LRMDA: variants seen among roughly 807,000 people sequenced by gnomAD.
LRMDA encodes leucine-rich melanocyte differentiation-associated protein.
Under a neutral mutation model 29.8 loss-of-function variants are expected in LRMDA, and 18 were observed. The observed-to-expected ratio is 0.60, with a 90% CI of 0.42 to 0.90. The LOEUF is 0.90. Among genes scored for constraint, LRMDA ranks in the 40% least tolerant of loss-of-function variants. The probability of loss-of-function intolerance (pLI) is 0.00; values close to 1 mark genes in which losing one functional copy is unlikely to be tolerated. For missense variants in LRMDA, 273 were observed against 273.9 expected, an observed-to-expected ratio of 1.00 and a Z score of 0.02; for synonymous variants, 125 against 109.4, an observed-to-expected ratio of 1.14 and a Z score of -0.89.
intron 5 of LRMDA, among the ~76,000 whole-genome samples, chr10:76,314,639 ATAAT>A (rs1431843806): frequency 2.0e-5 from 3 of 152,246 alleles, no homozygotes; most frequent in Admixed American, 6.5e-5. Context: ...ATTTTGTAAA[ATAAT>A]TAAGAAGTGA....
intron 2 of LRMDA, among the ~76,000 whole-genome samples, chr10:75,810,799 C>A (rs947205073): frequency 2.6e-5 from 4 of 152,170 alleles, no homozygotes; most frequent in Non-Finnish European, 5.9e-5. Flanking sequence ...GCATCTGGAG[C>A]TTAGAGGAGG....
At chr10:75,728,890 C>G (rs1321757375) in intron 2 of LRMDA, among the ~76,000 whole-genome samples, 3 of 152,076 alleles carry the variant, frequency 2.0e-5, no homozygotes, top group Non-Finnish European at 4.4e-5. Context: ...TCCCCCTGCC[C>G]GTGGCACAGT....
chr10:75,795,493 A>G (rs534528800), intron 2 of LRMDA, among the ~76,000 whole-genome samples: 2 of 152,318 alleles, frequency 1.3e-5, no homozygotes, highest in East Asian at 1.9e-4. Flanking sequence ...ATTTTCAACT[A>G]CACTCCCCCA....
intron 2 of LRMDA, among the ~76,000 whole-genome samples, chr10:75,828,192 C>T (rs779290710): frequency 7.9e-5 from 12 of 152,118 alleles, no homozygotes; most frequent in African/African-American, 2.4e-4. Flanking sequence ...TTATTTAGAA[C>T]GACCCCAAAC....
At chr10:76,403,797 A>G (rs1589168091) in intron 6 of LRMDA, among the ~76,000 whole-genome samples, 1 of 152,160 alleles carries the variant, frequency 6.6e-6, no homozygotes, top group Non-Finnish European at 1.5e-5. Context: ...TTCTAGTCAC[A>G]TGGTGCAGTG....
At chr10:75,511,514 T>G (rs1845225788) in intron 2 of LRMDA, among the ~76,000 whole-genome samples, 1 of 152,176 alleles carries the variant, frequency 6.6e-6, no homozygotes, top group Non-Finnish European at 1.5e-5. Context: ...ACCTGTGATG[T>G]TCGGAAGGTA....
intron 2 of LRMDA, among the ~76,000 whole-genome samples, chr10:75,768,197 T>G (rs376479770): frequency 2.4e-4 from 37 of 152,342 alleles, no homozygotes; most frequent in African/African-American, 8.2e-4. Context: ...GTCCTGGCAC[T>G]GGCATCGTGG....
intron 2 of LRMDA, among the ~76,000 whole-genome samples, chr10:75,921,073 A>T (rs990762199): frequency 7.2e-5 from 11 of 152,220 alleles, no homozygotes; most frequent in African/African-American, 2.7e-4. Context: ...TTAAACAGGG[A>T]TATTTCTGCC....
At chr10:75,910,251 A>G (rs144822807) in intron 2 of LRMDA, among the ~76,000 whole-genome samples, 2 of 152,182 alleles carry the variant, frequency 1.3e-5, no homozygotes, top group South Asian at 2.1e-4. Context: ...AGTAATTCCT[A>G]TGTGGCTCTT....
At chr10:75,652,320 A>G (rs548372850) in intron 2 of LRMDA, among the ~76,000 whole-genome samples, 75 of 152,324 alleles carry the variant, frequency 4.9e-4, no homozygotes, top group African/African-American at 1.7e-3. Flanking sequence ...CTCAATCCTT[A>G]GTGACCTTTG....
intron 2 of LRMDA, among the ~76,000 whole-genome samples, chr10:75,627,400 G>A (rs1426894744): frequency 6.6e-6 from 1 of 152,150 alleles, no homozygotes; most frequent in Non-Finnish European, 1.5e-5. Context: ...GATATTTGAA[G>A]ATATGGAAAA....
intron 2 of LRMDA, among the ~76,000 whole-genome samples, chr10:75,895,751 C>G (rs374718787): frequency 6.6e-6 from 1 of 152,200 alleles, no homozygotes; most frequent in South Asian, 2.1e-4. Context: ...TGAAGGAAGG[C>G]AGAAGGCCTT....
At chr10:76,108,282 G>A (rs1051232683) in intron 5 of LRMDA, among the ~76,000 whole-genome samples, 2 of 152,074 alleles carry the variant, frequency 1.3e-5, no homozygotes, top group Non-Finnish European at 2.9e-5. Context: ...AGCTACCCTC[G>A]GCCCAACTCT....
At chr10:76,363,223 GAAA>G (rs1841345704) in intron 6 of LRMDA, among the ~76,000 whole-genome samples, 2 of 24,694 alleles carry the variant, frequency 8.1e-5, no homozygotes, top group African/African-American at 3.9e-4. Context: ...GGAAGAGAAA[GAAA>G]GAAAGAAAGA....
chr10:75,927,931 T>G (rs1429321947), intron 2 of LRMDA, among the ~76,000 whole-genome samples: 1 of 152,302 alleles, frequency 6.6e-6, no homozygotes, highest in East Asian at 1.9e-4. Flanking sequence ...GGAACAGTAA[T>G]AATAATGCTA....
chr10:75,908,742 C>G (rs995338266), intron 2 of LRMDA, among the ~76,000 whole-genome samples: 2 of 151,730 alleles, frequency 1.3e-5, no homozygotes, highest in Non-Finnish European at 2.9e-5. Flanking sequence ...TGGGATCATG[C>G]GATTTTTGTA....
intron 2 of LRMDA, among the ~76,000 whole-genome samples, chr10:75,619,525 C>T (rs930404767): frequency 1.3e-5 from 2 of 152,124 alleles, no homozygotes; most frequent in Non-Finnish European, 2.9e-5. Flanking sequence ...GAAGGGCAAA[C>T]ACACAAAGCC....
intron 2 of LRMDA, among the ~76,000 whole-genome samples, chr10:75,474,268 TG>T: frequency 6.6e-6 from 1 of 152,328 alleles, no homozygotes; most frequent in East Asian, 1.9e-4. Flanking sequence ...GCCTTGTTTG[TG>T]TATGTGTCTC....
At chr10:76,321,223 C>A (rs1201123238) in intron 5 of LRMDA, among the ~76,000 whole-genome samples, 1 of 152,112 alleles carries the variant, frequency 6.6e-6, no homozygotes, top group Non-Finnish European at 1.5e-5. Flanking sequence ...ATTGCTGCAC[C>A]AATTTTCAAT....
Sources: gnomAD v4.1 joint callset for allele counts (sites outside exome capture counted in the v4.1 genomes callset) on GRCh38, gnomAD v4.1.1 for gene constraint, MANE v1.5 for transcripts, NCBI Gene and HGNC (gene_info 2026-07-23, HGNC 2026-07-21) for gene names.